Variants in RBMS3 observed in about 807,000 individuals in gnomAD.
The protein encoded by RBMS3 is RNA binding motif single stranded interacting protein 3.
A neutral mutation model predicts 66.8 loss-of-function variants in RBMS3; 27 were observed. The ratio of observed to expected loss-of-function variants is 0.40; its 90% CI spans 0.30 to 0.56. The LOEUF (loss-of-function observed/expected upper bound fraction) is 0.56, where lower values mean the gene tolerates loss of function less well. Among genes scored for constraint, RBMS3 ranks in the 20% least tolerant of loss-of-function variants. The pLI, the probability that RBMS3 is intolerant of heterozygous loss-of-function variation, is 0.40. For synonymous variants in RBMS3, 188 were observed against 183.0 expected, an observed-to-expected ratio of 1.03 and a Z score of -0.22; for missense variants, 513 against 549.5, an observed-to-expected ratio of 0.93 and a Z score of 0.66.
At chr3:29,381,800 C>A (rs1415478620) in intron 1 of RBMS3, among the ~76,000 whole-genome samples, 2 of 152,094 alleles carry the variant, frequency 1.3e-5, no homozygotes, top group Non-Finnish European at 1.5e-5. Context: ...GTGCTGAGTT[C>A]ATTTTTGTCT....
intron 4 of RBMS3, among the ~76,000 whole-genome samples, chr3:29,592,215 A>C (rs1435031227): frequency 6.6e-6 from 1 of 151,428 alleles, no homozygotes; most frequent in South Asian, 2.1e-4. Flanking sequence ...CACACACACA[A>C]TGAATTTACA....
chr3:29,692,867 G>A (rs760544130), intron 4 of RBMS3, among the ~76,000 whole-genome samples: 13 of 152,134 alleles, frequency 8.5e-5, no homozygotes, highest in Non-Finnish European at 1.6e-4. Context: ...TAAGTGATTA[G>A]TGTTCAAGTT....
At chr3:29,283,667 G>A (rs575837970) in intron 1 of RBMS3, among the ~76,000 whole-genome samples, 46 of 152,296 alleles carry the variant, frequency 3.0e-4, no homozygotes, top group Middle Eastern at 6.8e-3. Flanking sequence ...AAAGAAGTTA[G>A]ATCCATTAGG....
intron 10 of RBMS3, among the ~76,000 whole-genome samples, chr3:29,911,542 A>G (rs2060512441): frequency 6.6e-6 from 1 of 152,052 alleles, no homozygotes; most frequent in South Asian, 2.1e-4. Flanking sequence ...TGAGTGTAAT[A>G]TGCAGAGAAT....
At chr3:29,395,577 A>G (rs984846899) in intron 1 of RBMS3, among the ~76,000 whole-genome samples, 3 of 152,214 alleles carry the variant, frequency 2.0e-5, no homozygotes, top group Non-Finnish European at 2.9e-5. Context: ...AAATGCTTAC[A>G]TTTGATAACA....
intron 5 of RBMS3, among the ~76,000 whole-genome samples, chr3:29,753,883 A>G (rs1450079430): frequency 2.6e-5 from 4 of 152,206 alleles, no homozygotes; most frequent in Non-Finnish European, 5.9e-5. Flanking sequence ...TTAAGCTGTA[A>G]GATTACACTT....
chr3:29,344,947 G>A (rs1297888832), intron 1 of RBMS3, among the ~76,000 whole-genome samples: 1 of 152,198 alleles, frequency 6.6e-6, no homozygotes, highest in Admixed American at 6.5e-5. Flanking sequence ...AGATTTCTCT[G>A]TAGCTCAACA....
intron 4 of RBMS3, among the ~76,000 whole-genome samples, chr3:29,704,226 G>A (rs987791654): frequency 6.6e-6 from 1 of 152,160 alleles, no homozygotes; most frequent in Non-Finnish European, 1.5e-5. Flanking sequence ...ACAGGTTCAT[G>A]GAAAAATTGT....
At chr3:29,590,086 A>AT (rs147732896) in intron 4 of RBMS3, among the ~76,000 whole-genome samples, 33,044 of 138,556 alleles carry the variant, frequency 0.24, 4,159 homozygotes, top group African/African-American at 0.35. Context: ...AAAGGAGTTT[A>AT]TTTATTTTTT....
intron 1 of RBMS3, among the ~76,000 whole-genome samples, chr3:29,390,359 T>G (rs1255311440): frequency 6.6e-6 from 1 of 152,018 alleles, no homozygotes; most frequent in Non-Finnish European, 1.5e-5. Context: ...TGCTACATAT[T>G]TAAAGAGATA....
chr3:29,767,532 A>G (rs2055988362), intron 6 of RBMS3: 1 of 152,030 alleles, frequency 6.6e-6, no homozygotes, highest in Admixed American at 6.6e-5. Flanking sequence ...GTAGTTATGT[A>G]TCAGAGGAAT....
intron 2 of RBMS3, among the ~76,000 whole-genome samples, chr3:29,444,989 C>T (rs751731042): frequency 2.6e-5 from 4 of 151,256 alleles, no homozygotes; most frequent in Non-Finnish European, 4.4e-5. Flanking sequence ...CTACTCCCTA[C>T]CAATCTGTAC....
intron 3 of RBMS3, among the ~76,000 whole-genome samples, chr3:29,571,615 T>C (rs996802045): frequency 3.9e-5 from 6 of 152,182 alleles, no homozygotes; most frequent in Admixed American, 6.5e-5. Flanking sequence ...GATTTTCTAT[T>C]ATGTTCCATT....
At chr3:29,723,881 G>T (rs1056535877) in intron 4 of RBMS3, among the ~76,000 whole-genome samples, 2 of 152,034 alleles carry the variant, frequency 1.3e-5, no homozygotes, top group Admixed American at 1.3e-4. Context: ...TTAGCAATTC[G>T]GTATCTTCTG....
At chr3:29,751,007 A>G (rs2055157451) in intron 5 of RBMS3, among the ~76,000 whole-genome samples, 1 of 150,854 alleles carries the variant, frequency 6.6e-6, no homozygotes, top group African/African-American at 2.4e-5. Context: ...TCAATGCATA[A>G]TAATAGTCAT....
intron 10 of RBMS3, among the ~76,000 whole-genome samples, chr3:29,923,999 T>C (rs541321746): frequency 7.9e-5 from 12 of 152,208 alleles, no homozygotes; most frequent in Non-Finnish European, 1.5e-4. Flanking sequence ...TCACATACAG[T>C]TTTATTTCAT....
intron 6 of RBMS3, among the ~76,000 whole-genome samples, chr3:29,790,468 A>G (rs767627861): frequency 1.3e-5 from 2 of 152,154 alleles, no homozygotes; most frequent in South Asian, 2.1e-4. Flanking sequence ...TGATTCATTC[A>G]TGGGTAATCA....
chr3:29,454,409 G>A (rs940387867), intron 2 of RBMS3, among the ~76,000 whole-genome samples: 1 of 152,094 alleles, frequency 6.6e-6, no homozygotes, highest in Non-Finnish European at 1.5e-5. Context: ...GTTGATTCCT[G>A]GGTAATTCTC....
At chr3:29,928,211 T>TATATATATATATATATACAC (rs1291440563) in intron 10 of RBMS3, among the ~76,000 whole-genome samples, 3 of 93,506 alleles carry the variant, frequency 3.2e-5, no homozygotes, top group African/African-American at 4.2e-5. Flanking sequence ...TATATATATA[T>TATATATATATATATATACAC]ACACACACAC....
Sources: gnomAD v4.1 joint callset for allele counts (sites outside exome capture counted in the v4.1 genomes callset) on GRCh38, gnomAD v4.1.1 for gene constraint, MANE v1.5 for transcripts, NCBI Gene and HGNC (gene_info 2026-07-23, HGNC 2026-07-21) for gene names.